RELN: variants seen among roughly 807,000 people sequenced by gnomAD.
The protein encoded by RELN is reelin.
Under a neutral mutation model 427.6 loss-of-function variants are expected in RELN, and 108 were observed. That is an observed-to-expected ratio of 0.25 (90% confidence interval 0.22 to 0.30). The LOEUF is 0.30. Ranked by LOEUF, RELN falls within the 10% of genes least tolerant of loss-of-function variation. The probability of loss-of-function intolerance (pLI) is 1.00; values close to 1 mark genes in which losing one functional copy is unlikely to be tolerated. For synonymous variants in RELN, 1,524 were observed against 1,513.4 expected, an observed-to-expected ratio of 1.01 and a Z score of -0.16; for missense variants, 3,715 against 4,302.8, an observed-to-expected ratio of 0.86 and a Z score of 3.82.
At chr7:103,671,288 T>A (rs996429402) in intron 11 of RELN, among the ~76,000 whole-genome samples, 3 of 152,178 alleles carry the variant, frequency 2.0e-5, no homozygotes, top group Non-Finnish European at 4.4e-5. Context: ...CTTCCCTGAA[T>A]GCATTACATT....
intron 3 of RELN, among the ~76,000 whole-genome samples, chr7:103,794,214 C>A (rs1003803127): frequency 4.6e-5 from 7 of 152,030 alleles, no homozygotes; most frequent in African/African-American, 1.7e-4. Context: ...CACTCTTGAC[C>A]GCTTAATTTA....
chr7:103,747,543 G>A (rs1054347689), intron 6 of RELN, among the ~76,000 whole-genome samples: 2 of 151,882 alleles, frequency 1.3e-5, no homozygotes, highest in Admixed American at 1.3e-4. Context: ...TTGGTGAAGA[G>A]TCAAACCAGG....
intron 61 of RELN, among the ~76,000 whole-genome samples, chr7:103,485,343 G>T (rs1261115054): frequency 6.6e-6 from 1 of 151,352 alleles, no homozygotes; most frequent in Non-Finnish European, 1.5e-5. Flanking sequence ...CCCCAAACCT[G>T]CCTTTCCGCT....
chr7:103,577,738 C>A (rs981767516), intron 28 of RELN, among the ~76,000 whole-genome samples: 6 of 152,130 alleles, frequency 3.9e-5, no homozygotes, highest in Admixed American at 3.3e-4. Flanking sequence ...GGCCTCTATG[C>A]CGCTTCCAAA....
intron 1 of RELN, among the ~76,000 whole-genome samples, chr7:103,930,263 A>C (rs539951498): frequency 6.6e-6 from 1 of 152,150 alleles, no homozygotes; most frequent in African/African-American, 2.4e-5. Flanking sequence ...GTCTGTATCC[A>C]CATTTCTTCT....
intron 1 of RELN, among the ~76,000 whole-genome samples, chr7:103,976,423 G>A (rs145733633): frequency 3.0e-3 from 438 of 145,860 alleles, no homozygotes; most frequent in Admixed American, 5.6e-3. Context: ...ACAGTTGTAG[G>A]AGCCTACTGT....
chr7:103,754,609 TA>T (rs11377243), intron 4 of RELN, among the ~76,000 whole-genome samples: 12 of 151,228 alleles, frequency 7.9e-5, no homozygotes, highest in South Asian at 4.2e-4. Context: ...ACCTCGTCTC[TA>T]AAAAAAACAT....
chr7:103,861,832 A>G (rs1178344576), intron 2 of RELN, among the ~76,000 whole-genome samples: 1 of 152,220 alleles, frequency 6.6e-6, no homozygotes, highest in Non-Finnish European at 1.5e-5. Flanking sequence ...GTATTTTTAC[A>G]TAAAGTTTGG....
chr7:103,768,280 T>A (rs1426416727), intron 4 of RELN, among the ~76,000 whole-genome samples: 1 of 151,954 alleles, frequency 6.6e-6, no homozygotes, highest in Non-Finnish European at 1.5e-5. Context: ...ATGGAAAAAC[T>A]CTAGCTCCTT....
intron 16 of RELN, among the ~76,000 whole-genome samples, chr7:103,648,880 A>T (rs185815210): frequency 6.6e-6 from 1 of 152,092 alleles, no homozygotes; most frequent in Non-Finnish European, 1.5e-5. Flanking sequence ...TTAAAACCAC[A>T]ATGAGATACC....
At chr7:103,650,202 T>C (rs1179996070) in intron 16 of RELN, 72 bp downstream of exon 16, 4 of 904,632 alleles carry the variant, frequency 4.4e-6, no homozygotes, top group Non-Finnish European at 7.5e-6. Context: ...TGATTAAGTC[T>C]GTGCTGACGA....
At chr7:103,580,586 T>C (rs142369636) in intron 28 of RELN, among the ~76,000 whole-genome samples, 6 of 152,230 alleles carry the variant, frequency 3.9e-5, no homozygotes, top group Admixed American at 3.3e-4. Context: ...TTATTTTTTT[T>C]ATTTCAATAG....
At position 103,650,304 on chromosome 7, in the gene RELN, T is replaced by C. The variant is rs1167562647; in HGVS notation, c.1972A>G (p.Ile658Val). The C allele has an allele frequency of 3.1e-6, 5 of 1,610,858 alleles. No individual in the cohort carries two copies. The highest frequency in any genetic ancestry group is 4.2e-6 in the Non-Finnish European group (5 of 1,177,464). Residue 658 changes from isoleucine to valine, a missense_variant, in exon 16 of 65, where the codon ATC (isoleucine) becomes GTC (valine). By Grantham distance (29) the Ile-to-Val change is conservative. This residue lies in a region of RELN where 2,208 missense variants were observed against 2,361.7 expected (regional missense o/e 0.93). Coordinates refer to ENST00000428762, the MANE Select transcript of RELN (RefSeq NM_005045.4). ...TCAATTGCCCACATGTTTCCAAGGA[T>C]TGGTCCTGTTTGTCTCCAGCGAATC... is the stretch of plus-strand genomic sequence containing the variant. ...TRIRWRQTGPILGNMWAIDNV... is the reference protein window; with the variant it reads ...TRIRWRQTGPVLGNMWAIDNV...
In RELN at chr7:103,497,850, C is replaced by T; in HGVS notation, c.8920G>A (p.Gly2974Ser). 6.2e-7 allele frequency: 1 copy of T among 1,614,168 alleles called. No individual in the cohort carries two copies. Among genetic ancestry groups the T allele is most frequent in the South Asian group, 1.1e-5 (1 of 91,088 alleles). The change falls in exon 55 of 65, where the codon GGC (glycine) becomes AGC (serine). Residue 2974 changes from glycine to serine, a missense_variant. Gly to Ser is a moderately conservative substitution (Grantham distance 56). Around this residue, in one of 4 missense-constraint regions of RELN, gnomAD observed 1,310 missense variants for 1,643.0 expected, o/e 0.80. Transcript: ENST00000428762. ...TCGGTAGAGTAGTCCAACAGCACGC[C>T]TTCCTTCCGGCAGATGGGACGATGG... ...SCHRPICRKE[G>S]VLLDYSTDGG... is the part of the protein sequence containing the mutation.
chr7:103,685,047 C>T (rs1327102668), intron 10 of RELN, among the ~76,000 whole-genome samples: 1 of 152,084 alleles, frequency 6.6e-6, no homozygotes, highest in Non-Finnish European at 1.5e-5. Context: ...TTAATTAGAA[C>T]TTTAAAAGCC....
chr7:103,865,561 G>T (rs1794178172), intron 2 of RELN, among the ~76,000 whole-genome samples: 1 of 152,074 alleles, frequency 6.6e-6, no homozygotes, highest in Non-Finnish European at 1.5e-5. Flanking sequence ...ATGATCAAGT[G>T]GGATTTATTT....
chr7:103,708,898 A>G (rs887045908), intron 8 of RELN, among the ~76,000 whole-genome samples: 5 of 151,970 alleles, frequency 3.3e-5, no homozygotes, highest in African/African-American at 1.2e-4. Context: ...TAATTTTCTC[A>G]TTGCATTTAT....
At chr7:103,931,357 T>C (rs995117665) in intron 1 of RELN, among the ~76,000 whole-genome samples, 1 of 152,214 alleles carries the variant, frequency 6.6e-6, no homozygotes, top group African/African-American at 2.4e-5. Flanking sequence ...CAATGCTTTG[T>C]CTAAATGTCA....
Position 103,514,188 on chromosome 7 carries a change from T to A in RELN, c.8119+997A>T, listed in dbSNP as rs1000001802. ...CATAACAGTATATCAATCTTTACTA[T>A]TTAGATACATGCTAGTATGGGATAT... On this transcript the variant is annotated intron_variant, in intron 50 of 64. Coordinates refer to ENST00000428762, the MANE Select transcript of RELN (RefSeq NM_005045.4). 2.0e-5 allele frequency among the ~76,000 whole-genome samples: 3 copies of A among 152,302 alleles called. No homozygotes were observed. In the Middle Eastern group the frequency reaches 0.01, roughly 518 times the overall value.
Sources: gnomAD v4.1 joint callset for allele counts (sites outside exome capture counted in the v4.1 genomes callset) on GRCh38, gnomAD v4.1.1 for gene constraint, gnomAD v4.1.1 regional missense constraint, MANE v1.5 for transcripts, NCBI Gene and HGNC (gene_info 2026-07-23, HGNC 2026-07-21) for gene names.